The following DCSTAMP variants were observed in gnomAD, a reference collection of about 807,000 sequenced individuals.
The protein encoded by DCSTAMP is dendritic cell-specific transmembrane protein.
In DCSTAMP, 25 loss-of-function variants were observed where a neutral mutation model predicts 33.8. The observed-to-expected ratio is 0.74, with a 90% CI of 0.54 to 1.03. DCSTAMP has a LOEUF of 1.03. DCSTAMP is among the 50% of genes least tolerant of loss of function. DCSTAMP has a pLI of 0.00. For missense variants in DCSTAMP, 531 were observed against 556.8 expected (o/e 0.95, Z 0.47); for synonymous variants, 245 against 216.7 (o/e 1.13, Z -1.15).
intron 1 of DCSTAMP, among the ~76,000 whole-genome samples, chr8:104,347,893 G>A (rs1810354385): frequency 6.6e-6 from 1 of 152,154 alleles, no homozygotes; most frequent in Admixed American, 6.5e-5. Context: ...TATCTGGGTG[G>A]GCCCAGCGTA....
intron 1 of DCSTAMP, among the ~76,000 whole-genome samples, chr8:104,345,773 GA>G (rs1459557403): frequency 3.9e-5 from 6 of 152,146 alleles, no homozygotes; most frequent in African/African-American, 1.2e-4. Flanking sequence ...AAGGAAATTA[GA>G]AAAAAGTTAA....
chr8:104,348,016 G>T (rs137938783), intron 1 of DCSTAMP, among the ~76,000 whole-genome samples: 9 of 152,294 alleles, frequency 5.9e-5, no homozygotes, highest in African/African-American at 1.2e-4. Context: ...GGTGGAAAAA[G>T]GGTCCATGAG....
chr8:104,352,299 T>C (rs1328357166), intron 2 of DCSTAMP, among the ~76,000 whole-genome samples: 1 of 152,186 alleles, frequency 6.6e-6, no homozygotes, highest in Non-Finnish European at 1.5e-5. Flanking sequence ...GCTCTCTGAG[T>C]CCCCTGAAGA....
intron 1 of DCSTAMP, chr8:104,340,439 T>A (rs1307209283): frequency 6.6e-6 from 1 of 152,144 alleles, no homozygotes; most frequent in African/African-American, 2.4e-5. Flanking sequence ...CTGAACCACA[T>A]TGTAAGTTTG....
At chr8:104,343,149 A>T (rs1476962466) in intron 1 of DCSTAMP, among the ~76,000 whole-genome samples, 1 of 152,196 alleles carries the variant, frequency 6.6e-6, no homozygotes, top group Non-Finnish European at 1.5e-5. Flanking sequence ...AGAGGGGCTG[A>T]GCAGTTGTCC....
intron 1 of DCSTAMP, among the ~76,000 whole-genome samples, chr8:104,340,954 C>T (rs76255520): frequency 0.055 from 8,371 of 152,232 alleles, 513 homozygotes; most frequent in East Asian, 0.22. Flanking sequence ...TATATCTGGG[C>T]TTGTTGAGCA....
chr8:104,351,697 G>A (rs1165368100), intron 2 of DCSTAMP, among the ~76,000 whole-genome samples: 3 of 152,180 alleles, frequency 2.0e-5, no homozygotes, highest in Non-Finnish European at 2.9e-5. Flanking sequence ...TATTGCCATG[G>A]CCTCATTTGT....
At chr8:104,347,881 A>AT (rs1810354151) in intron 1 of DCSTAMP, among the ~76,000 whole-genome samples, 1 of 152,330 alleles carries the variant, frequency 6.6e-6, no homozygotes, top group African/African-American at 2.4e-5. Context: ...ATTATCCCAG[A>AT]TTATCTGGGT....
intron 1 of DCSTAMP, among the ~76,000 whole-genome samples, chr8:104,344,641 G>C (rs1810246594): frequency 6.6e-6 from 1 of 152,144 alleles, no homozygotes; most frequent in Non-Finnish European, 1.5e-5. Context: ...ATTCCCTCCA[G>C]TGATCACGTA....
At chr8:104,356,030 A>G in intron 3 of DCSTAMP, 94 bp from the exon 4 acceptor site, 2 of 1,165,582 alleles carry the variant, frequency 1.7e-6, no homozygotes, top group Non-Finnish European at 2.4e-6. Flanking sequence ...TGTTTTTCCC[A>G]ACATCTTTAA....
intron 1 of DCSTAMP, among the ~76,000 whole-genome samples, chr8:104,348,135 C>A (rs1810361273): frequency 6.6e-6 from 1 of 152,178 alleles, no homozygotes; most frequent in African/African-American, 2.4e-5. Context: ...ACTCTGACCT[C>A]CAGAACTGTG....
In DCSTAMP at chr8:104,353,388, G is replaced by A. The variant is rs115409978; in HGVS notation, c.1030-1489G>A. On this transcript the variant is annotated intron_variant, in intron 2 of 3. Coordinates refer to ENST00000297581, the MANE Select transcript of DCSTAMP (RefSeq NM_030788.4). ...TGTTGACTCAGCCGTTCTGAAGCCC[G>A]GATTCCCAGCTGCAAAATCCCCAGT... Among the ~76,000 whole-genome samples the A allele has an allele frequency of 1.1e-3, 160 of 152,262 alleles. 1 individual carries two copies. The highest frequency in any genetic ancestry group is 3.5e-3 in the African/African-American group (147 of 41,540).
chr8:104,351,342 T>G (rs1160672449), intron 2 of DCSTAMP, among the ~76,000 whole-genome samples: 1 of 152,226 alleles, frequency 6.6e-6, no homozygotes, highest in African/African-American at 2.4e-5. Flanking sequence ...GTGTGATGCA[T>G]GCTGGGTTAA....
chr8:104,350,380 T>C (rs1810427621), intron 2 of DCSTAMP, among the ~76,000 whole-genome samples: 1 of 152,208 alleles, frequency 6.6e-6, no homozygotes, highest in East Asian at 1.9e-4. Context: ...GCACCTTCTC[T>C]GAGTGAGAAC....
intron 1 of DCSTAMP, among the ~76,000 whole-genome samples, chr8:104,344,654 C>T (rs1035811643): frequency 2.0e-5 from 3 of 152,164 alleles, no homozygotes; most frequent in Non-Finnish European, 4.4e-5. Context: ...ATCACGTACT[C>T]AAGTCTAAGA....
rs146908716 is a variant in DCSTAMP at position 104,349,576 on chromosome 8, G to A, written c.1024G>A (p.Gly342Arg). ...GTTTGAGGTTCACTTGAAACTGCAC[G>A]GAGAGGTAGGGCCCACAGGTACTTC... ...PGFEVHLKLH[G>R]EKQGTQDIIH... is the part of the protein sequence containing the mutation. Residue 342 changes from glycine (G) to arginine (R), a missense_variant, in exon 2 of 4, where the codon GGA (glycine) becomes AGA (arginine). Coordinates refer to ENST00000297581, the MANE Select transcript of DCSTAMP (RefSeq NM_030788.4). 183 of 1,609,036 alleles carry A rather than the reference G, an allele frequency of 1.1e-4. No homozygotes were observed. Among genetic ancestry groups the A allele is most frequent in the Non-Finnish European group, 1.3e-4 (158 of 1,178,230 alleles).
intron 1 of DCSTAMP, among the ~76,000 whole-genome samples, chr8:104,346,347 C>T (rs987269704): frequency 9.9e-5 from 15 of 152,212 alleles, no homozygotes; most frequent in African/African-American, 3.1e-4. Flanking sequence ...GCATCCTGCC[C>T]TCTGCCCACC....
At chr8:104,355,398 T>A (rs543790920) in intron 3 of DCSTAMP, among the ~76,000 whole-genome samples, 2 of 152,198 alleles carry the variant, frequency 1.3e-5, no homozygotes, top group Non-Finnish European at 2.9e-5. Flanking sequence ...TACTACAAGA[T>A]ATCTTAAAAT....
In DCSTAMP at chr8:104,355,014, G is replaced by A; in HGVS notation, c.1167G>A (p.Met389Ile). 1.2e-5 allele frequency: 20 copies of A among 1,614,110 alleles called. No homozygotes were observed. The highest frequency in any genetic ancestry group is 1.6e-5 in the Non-Finnish European group (19 of 1,180,000). Residue 389 changes from methionine to isoleucine, a missense_variant, in exon 3 of 4, where the codon ATG becomes ATA. Physicochemically the swap from Met to Ile is conservative, Grantham distance 10. Coordinates refer to ENST00000297581, the MANE Select transcript of DCSTAMP (RefSeq NM_030788.4). ...GTGTTATTCTTTTGATATTAGTGAT[G>A]CTGGGACTGTTGTCCTCTATCCTTA... Reference protein sequence around the residue: ...PLSVILLILVMLGLLSSILMQ... With the variant: ...PLSVILLILVILGLLSSILMQ...
Sources: allele counts gnomAD v4.1 joint callset (sites outside exome capture counted in the v4.1 genomes callset), GRCh38; gene constraint gnomAD v4.1.1; transcripts MANE v1.5; gene names NCBI Gene and HGNC (gene_info 2026-07-23, HGNC 2026-07-21).